The following B9D1 variants were observed in gnomAD, a reference collection of about 807,000 sequenced individuals.
The protein encoded by B9D1 is B9 domain-containing protein 1.
In B9D1, 20 loss-of-function variants were observed where a neutral mutation model predicts 26.1. That is an observed-to-expected ratio of 0.77 (90% CI 0.54 to 1.12). The LOEUF is 1.12. B9D1 is among the 50% of genes most tolerant of loss of function. The pLI is 0.00. For missense variants in B9D1, 260 were observed against 273.7 expected (o/e 0.95, Z 0.35); for synonymous variants, 105 against 103.1 (o/e 1.02, Z -0.11).
At chr17:19,364,353 T>C (rs190341185), upstream of B9D1, 108 of 152,278 alleles carry the variant, frequency 7.1e-4, no homozygotes, top group African/African-American at 2.6e-3. This position sits in a 1 kb window ranked among gnomAD's most constrained non-coding sequence, Gnocchi z 4.3. Flanking sequence ...CTTTAACAAG[T>C]CTAGTGGCAT....
At chr17:19,343,583 G>C in intron 6 of B9D1, 122 bp from the exon 7 acceptor site, 1 of 1,576,206 alleles carries the variant, frequency 6.3e-7, no homozygotes, top group East Asian at 2.3e-5. Flanking sequence ...CCTGACCCAA[G>C]CCCCTCACTG....
At position 19,343,188 on chromosome 17, in the gene B9D1, G is replaced by C. The variant is rs1908178680; in HGVS notation, c.*131C>G. The C allele has an allele frequency of 6.7e-7, 1 of 1,494,448 alleles. No individual in the cohort carries two copies. The highest frequency in any genetic ancestry group is 1.4e-5 in the South Asian group (1 of 73,830). The allele number at this position is 1,494,448 out of a possible 1,614,324, so 92.6% of individuals were successfully genotyped here. On this transcript the variant is annotated 3_prime_UTR_variant, in exon 7 of 7. Coordinates refer to ENST00000261499, the MANE Select transcript of B9D1 (RefSeq NM_015681.6). ...CCAGGCCTAGGCTCTCTGAAAATGA[G>C]ACTTTATTATACAAAACTATTCTGT...
At chr17:19,339,632 G>A (rs564543975), downstream of B9D1, among the ~76,000 whole-genome samples, 2 of 152,318 alleles carry the variant, frequency 1.3e-5, no homozygotes, top group South Asian at 4.1e-4. Context: ...TATCTTATGA[G>A]TGTTTCTCAC....
At chr17:19,336,897 G>T (rs1352928472), downstream of B9D1, among the ~76,000 whole-genome samples, 1 of 152,200 alleles carries the variant, frequency 6.6e-6, no homozygotes, top group Non-Finnish European at 1.5e-5. Flanking sequence ...GGGAAAGGGG[G>T]TGGGAGGCGT....
chr17:19,346,080 C>G (rs1908737965), intron 5 of B9D1, among the ~76,000 whole-genome samples: 1 of 152,230 alleles, frequency 6.6e-6, no homozygotes, highest in Non-Finnish European at 1.5e-5. Flanking sequence ...AATAACCCAG[C>G]CTGGATGGCT....
At position 19,359,281 on chromosome 17, in the gene B9D1, G is replaced by C. The variant is rs777997452; in HGVS notation, c.132+1039C>G. On this transcript the variant is annotated intron_variant, in intron 2 of 6. Coordinates refer to ENST00000261499, the MANE Select transcript of B9D1 (RefSeq NM_015681.6). The surrounding 1 kb of genome is among the most constrained non-coding windows in gnomAD (Gnocchi z 5.0). Reference sequence around the variant, plus strand: ...GAGTAAAGGTCACAGTCCTTACTCTGACAAGACCTGCCCAGGTGCCTCTCT... The same window carrying C: ...GAGTAAAGGTCACAGTCCTTACTCTCACAAGACCTGCCCAGGTGCCTCTCT... 2.6e-5 allele frequency among the ~76,000 whole-genome samples: 4 copies of C among 152,168 alleles called. No homozygotes were observed. In the East Asian group the frequency reaches 7.7e-4, roughly 29 times the overall value.
chr17:19,361,049 G>A (rs552735400), intron 1 of B9D1, among the ~76,000 whole-genome samples: 3 of 152,034 alleles, frequency 2.0e-5, no homozygotes, highest in Non-Finnish European at 4.4e-5. Context: ...ATAGGAGCAC[G>A]AACCCTACTG....
chr17:19,360,239 A>T (rs544139526), intron 2 of B9D1, 81 bp downstream of exon 2: 3 of 1,311,312 alleles, frequency 2.3e-6, no homozygotes, highest in Non-Finnish European at 3.3e-6. Flanking sequence ...CTTGTTCTGA[A>T]TGGGGAGGGG....
intron 1 of B9D1, chr17:19,377,576 C>G (rs929907405): frequency 6.5e-6 from 1 of 153,412 alleles, no homozygotes; most frequent in African/African-American, 2.4e-5. Context: ...ACCTCGAGCT[C>G]CCTTTAGAAA....
chr17:19,360,291 G>A (rs566067299), intron 2 of B9D1, 29 bp downstream of exon 2: 27 of 1,609,548 alleles, frequency 1.7e-5, no homozygotes, highest in African/African-American at 5.3e-5. Flanking sequence ...TCATGAAGGC[G>A]GTAAGGGAGG....
downstream of B9D1, chr17:19,337,788 C>T (rs1261315066): frequency 2.8e-6 from 4 of 1,454,084 alleles, no homozygotes; most frequent in Admixed American, 7.9e-5. Context: ...GCATAGATTT[C>T]TTACAGCCAG....
intron 3 of B9D1, among the ~76,000 whole-genome samples, chr17:19,352,394 G>C (rs895827687): frequency 1.3e-5 from 2 of 151,606 alleles, no homozygotes. Flanking sequence ...GCCCAGACCG[G>C]AGTGAAGTGG....
intron 1 of B9D1, among the ~76,000 whole-genome samples, chr17:19,361,152 G>T (rs908896810): frequency 6.6e-6 from 1 of 152,014 alleles, no homozygotes; most frequent in Non-Finnish European, 1.5e-5. Flanking sequence ...ACCCAGATGG[G>T]ACCATCTAGT....
chr17:19,335,479 C>T, downstream of B9D1: 1 of 1,548,930 alleles, frequency 6.5e-7, no homozygotes, highest in Non-Finnish European at 8.7e-7. Flanking sequence ...CCTTGTGTGT[C>T]TGTGATCTCC....
rs1272650901 is a variant in B9D1 at position 19,370,622 on chromosome 17, G to A, written c.-298+7237C>T. On this transcript the variant is annotated intron_variant, in intron 1 of 5. Coordinates refer to the B9D1 transcript ENST00000477478. The surrounding 1 kb of genome is among the most constrained non-coding windows in gnomAD (Gnocchi z 5.1). ...AACTCCAGGCGTGGTGACAGGATGT[G>A]ACCAGGTTCCCCCACCCAGGTCTGT... is the stretch of plus-strand genomic sequence containing the variant. Among the ~76,000 whole-genome samples, 3 of 152,204 alleles carry A rather than the reference G, an allele frequency of 2.0e-5. No homozygotes were observed. Among genetic ancestry groups the A allele is most frequent in the Non-Finnish European group, 2.9e-5 (2 of 68,022 alleles).
chr17:19,357,848 G>A lies in B9D1; in HGVS notation c.236C>T (p.Pro79Leu), dbSNP rs919713893. Residue 79 changes from proline to leucine, a missense_variant, in exon 3 of 7, where the codon CCC becomes CTC. Physicochemically the swap from Pro to Leu is moderately conservative, Grantham distance 98 (BLOSUM62 -3). Transcript: ENST00000261499. ...GGCCCCTGCAGACTCACAGCCGTAG[G>A]GGTTGGTGCTTTTAAAGGTGACATC... ...PIDVTFKSTN[P>L]YGWPQIVLSV... 17 of 1,613,606 alleles carry A rather than the reference G, an allele frequency of 1.1e-5. No individual in the cohort carries two copies. The highest frequency in any genetic ancestry group is 1.7e-5 in the Admixed American group (1 of 60,010).
In B9D1 at chr17:19,372,129, G is replaced by C. The variant is rs1164477948; in HGVS notation, c.-298+5730C>G. ...GAAACGCTTACACACTGAAGATGCT[G>C]CTGGAACACCGCAGGGACTGGGCGG... On this transcript the variant is annotated intron_variant, in intron 1 of 5. Coordinates refer to the B9D1 transcript ENST00000477478. This position sits in a 1 kb window ranked among gnomAD's most constrained non-coding sequence, Gnocchi z 4.4. 6.6e-6 allele frequency: 1 copy of C among 152,330 alleles called. No individual in the cohort carries two copies. Among genetic ancestry groups the C allele is most frequent in the East Asian group, 1.9e-4 (1 of 5,190 alleles). The allele number at this position is 152,330 out of a possible 1,614,324, so 9.4% of individuals were successfully genotyped here.
In B9D1 at chr17:19,343,496, C is replaced by G. The variant is rs371387811; in HGVS notation, c.473-35G>C. ...GAAGGGCAGCATCAGCCAGGCTGGG[C>G]TGGGGCAGAGAGAGACCCAGGTTGA... On this transcript the variant is annotated intron_variant, in intron 6 of 6. Transcript: ENST00000261499. The G allele has an allele frequency of 1.9e-5, 31 of 1,613,798 alleles. No homozygotes were observed. The African/African-American group carries it at 3.6e-4, about 19-fold the overall frequency.
intron 6 of B9D1, 117 bp from the exon 7 acceptor site, chr17:19,343,578 C>T: frequency 6.3e-7 from 1 of 1,578,906 alleles, no homozygotes; most frequent in African/African-American, 1.3e-5. Context: ...CAGTGCCTGA[C>T]CCAAGCCCCT....
Sources: gnomAD v4.1 joint callset for allele counts (sites outside exome capture counted in the v4.1 genomes callset) on GRCh38, gnomAD v4.1.1 for gene constraint, Gnocchi (gnomAD v3.1) non-coding constraint, MANE v1.5 for transcripts, NCBI Gene and HGNC (gene_info 2026-07-23, HGNC 2026-07-21) for gene names.